Variants in CAMTA1 observed in about 807,000 individuals in gnomAD.
CAMTA1 encodes calmodulin binding transcription activator 1.
Under a neutral mutation model 170.9 loss-of-function variants are expected in CAMTA1, and 27 were observed. The observed-to-expected ratio is 0.16, with a 90% CI of 0.12 to 0.22. CAMTA1 has a LOEUF of 0.22. CAMTA1 is among the 10% of genes least tolerant of loss of function. The pLI is 1.00. For missense variants in CAMTA1, 1,619 were observed against 2,217.2 expected (o/e 0.73, Z 5.42); for synonymous variants, 833 against 891.5 (o/e 0.93, Z 1.17).
Position 6,808,270 on chromosome 1 carries a change from G to A in CAMTA1, c.46-11911G>A, listed in dbSNP as rs536321077. 9.2e-4 allele frequency among the ~76,000 whole-genome samples: 139 copies of A among 151,888 alleles called. 3 individuals carry two copies. The Middle Eastern group carries it at 0.027, about 30-fold the overall frequency. On this transcript the variant is annotated intron_variant, in intron 1 of 22. Transcript: ENST00000303635. ...GGAATGGAATTGATTGGATAAAGTCGATTCTCCTGAAACAGGTGCTAATAA... is the reference window on the plus strand; with the variant it reads ...GGAATGGAATTGATTGGATAAAGTCAATTCTCCTGAAACAGGTGCTAATAA...
chr1:7,200,585 G>A (rs1220777746), intron 4 of CAMTA1, among the ~76,000 whole-genome samples: 2 of 152,084 alleles, frequency 1.3e-5, no homozygotes, highest in African/African-American at 2.4e-5. Context: ...ACGAGTACAG[G>A]CCTGCTATTT....
At chr1:7,491,613 C>T (rs558545434) in intron 6 of CAMTA1, among the ~76,000 whole-genome samples, 2 of 152,146 alleles carry the variant, frequency 1.3e-5, no homozygotes, top group South Asian at 2.1e-4. Context: ...TTTCTACTGA[C>T]TAAGGTTAAA....
Position 7,685,697 on chromosome 1 carries a change from C to T in CAMTA1, c.2914+7964C>T, listed in dbSNP as rs1359618205. 1.3e-5 allele frequency among the ~76,000 whole-genome samples: 2 copies of T among 152,210 alleles called. No individual in the cohort carries two copies. On this transcript the variant is annotated intron_variant, in intron 11 of 22. Coordinates refer to ENST00000303635, the MANE Select transcript of CAMTA1 (RefSeq NM_015215.4). This position sits in a 1 kb window ranked among gnomAD's most constrained non-coding sequence, Gnocchi z 5.7. ...TGAGGGCTTCTTCCCAGCCAGGGCT[C>T]GCTCTCCCACCTACTAGGGTGCAGG... is the stretch of plus-strand genomic sequence containing the variant.
At chr1:7,161,706 T>A (rs1647242193) in intron 4 of CAMTA1, among the ~76,000 whole-genome samples, 1 of 152,220 alleles carries the variant, frequency 6.6e-6, no homozygotes, top group African/African-American at 2.4e-5. Flanking sequence ...AACCTCTTTC[T>A]TTTGTAAATT....
chr1:6,878,487 A>G (rs1670564983), intron 3 of CAMTA1, among the ~76,000 whole-genome samples: 1 of 152,246 alleles, frequency 6.6e-6, no homozygotes, highest in Non-Finnish European at 1.5e-5. Flanking sequence ...TTGCCACGGT[A>G]TAGCAGTACA....
At chr1:7,636,965 G>A (rs1306374362) in intron 6 of CAMTA1, among the ~76,000 whole-genome samples, 1 of 152,242 alleles carries the variant, frequency 6.6e-6, no homozygotes, top group Non-Finnish European at 1.5e-5. Flanking sequence ...CTATGGTAGA[G>A]GCAGAGAGGG....
At chr1:7,679,528 C>A (rs1244784765) in intron 11 of CAMTA1, among the ~76,000 whole-genome samples, 1 of 152,136 alleles carries the variant, frequency 6.6e-6, no homozygotes, top group African/African-American at 2.4e-5. Context: ...CCACCCCAGG[C>A]CCCTCGAGAT....
At chr1:7,143,908 TTTCTA>T (rs920761358) in intron 4 of CAMTA1, among the ~76,000 whole-genome samples, 4 of 152,200 alleles carry the variant, frequency 2.6e-5, no homozygotes, top group Admixed American at 2.0e-4. Flanking sequence ...TGTGAAATAG[TTTCTA>T]TTCAAGTTCT....
intron 3 of CAMTA1, among the ~76,000 whole-genome samples, chr1:6,840,141 G>C (rs777274715): frequency 6.6e-6 from 1 of 152,210 alleles, no homozygotes; most frequent in Non-Finnish European, 1.5e-5. Context: ...AGAGGTTGCA[G>C]TGAGTCGAGA....
At chr1:7,728,642 G>T (rs1010572077) in intron 11 of CAMTA1, among the ~76,000 whole-genome samples, 1 of 152,216 alleles carries the variant, frequency 6.6e-6, no homozygotes, top group Non-Finnish European at 1.5e-5. Context: ...CGAGATCAAT[G>T]GTTGTCTGGC....
At chr1:7,587,730 C>T (rs999437466) in intron 6 of CAMTA1, among the ~76,000 whole-genome samples, 18 of 152,034 alleles carry the variant, frequency 1.2e-4, no homozygotes, top group Non-Finnish European at 2.9e-5. Context: ...CCCGAGCGCC[C>T]AGCTTCTGCA....
At chr1:7,393,770 T>C (rs535865884) in intron 5 of CAMTA1, among the ~76,000 whole-genome samples, 2 of 152,312 alleles carry the variant, frequency 1.3e-5, no homozygotes, top group Admixed American at 6.5e-5. Flanking sequence ...TTAACCATAG[T>C]CTCCCTAGTA....
intron 3 of CAMTA1, among the ~76,000 whole-genome samples, chr1:7,030,394 A>G (rs1702621737): frequency 6.6e-6 from 1 of 152,182 alleles, no homozygotes; most frequent in South Asian, 2.1e-4. Flanking sequence ...GTTTTATTAT[A>G]CAATAACCCC....
intron 5 of CAMTA1, among the ~76,000 whole-genome samples, chr1:7,255,814 A>C (rs1667285607): frequency 6.6e-6 from 1 of 152,056 alleles, no homozygotes; most frequent in Non-Finnish European, 1.5e-5. Context: ...CTTCCTGCAA[A>C]CCTCACCCCA....
At chr1:7,205,499 A>G (rs1333215959) in intron 4 of CAMTA1, among the ~76,000 whole-genome samples, 1 of 152,206 alleles carries the variant, frequency 6.6e-6, no homozygotes, top group South Asian at 2.1e-4. Flanking sequence ...CATTGTGTTT[A>G]TAATTGTTAT....
chr1:7,498,093 G>A (rs933337752), intron 6 of CAMTA1, among the ~76,000 whole-genome samples: 1 of 152,130 alleles, frequency 6.6e-6, no homozygotes, highest in Non-Finnish European at 1.5e-5. Flanking sequence ...GGAGCATCCT[G>A]AGGAGAGGGG....
intron 5 of CAMTA1, among the ~76,000 whole-genome samples, chr1:7,462,905 C>T (rs950438795): frequency 9.8e-5 from 15 of 152,354 alleles, no homozygotes; most frequent in Non-Finnish European, 8.8e-5. Flanking sequence ...TCCCTCCACC[C>T]GTGTGCCCAC....
chr1:7,513,639 C>T (rs952173508), intron 6 of CAMTA1, among the ~76,000 whole-genome samples: 1 of 152,136 alleles, frequency 6.6e-6, no homozygotes, highest in Non-Finnish European at 1.5e-5. Context: ...ACACCGGTTA[C>T]AGGCTGGGCG....
At chr1:7,282,433 C>T (rs1297317087) in intron 5 of CAMTA1, among the ~76,000 whole-genome samples, 1 of 152,182 alleles carries the variant, frequency 6.6e-6, no homozygotes, top group Non-Finnish European at 1.5e-5. Flanking sequence ...GCAGAATCAC[C>T]AGGCCAGCAG....
Sources: gnomAD v4.1 joint callset for allele counts (sites outside exome capture counted in the v4.1 genomes callset) on GRCh38, gnomAD v4.1.1 for gene constraint, Gnocchi (gnomAD v3.1) non-coding constraint, MANE v1.5 for transcripts, NCBI Gene and HGNC (gene_info 2026-07-23, HGNC 2026-07-21) for gene names.